ZNF609: variants seen among roughly 807,000 people sequenced by gnomAD.
The protein encoded by ZNF609 is zinc finger protein 609.
In ZNF609, 11 loss-of-function variants were observed where a neutral mutation model predicts 109.5. The ratio of observed to expected loss-of-function variants is 0.10; its 90% confidence interval spans 0.06 to 0.17. The LOEUF (loss-of-function observed/expected upper bound fraction) is 0.17. ZNF609 is among the 10% of genes least tolerant of loss of function. The probability of loss-of-function intolerance (pLI) is 1.00; values close to 1 mark genes in which losing one functional copy is unlikely to be tolerated. For missense variants in ZNF609, 1,559 were observed against 1,772.4 expected (o/e 0.88, Z 2.16); for synonymous variants, 646 against 662.0 (o/e 0.98, Z 0.37).
chr15:64,669,466 T>G (rs937872505), intron 3 of ZNF609, among the ~76,000 whole-genome samples: 17 of 152,274 alleles, frequency 1.1e-4, no homozygotes, highest in Non-Finnish European at 2.4e-4. Flanking sequence ...TATGAACATA[T>G]TTGCATATAT....
chr15:64,683,064 CTT>C lies in ZNF609; in HGVS notation c.*1380_*1381del, dbSNP rs752278785. 36 of 152,752 alleles carry C rather than the reference CTT, an allele frequency of 2.4e-4. No homozygotes were observed. The highest frequency in any genetic ancestry group is 5.2e-4 in the Admixed American group (8 of 15,296). 9.5% of individuals were successfully genotyped at this position (152,752 alleles called of 1,614,324 possible). A position where few individuals can be genotyped will look rare whatever the true frequency, so the allele number is the denominator to read the frequency against. On this transcript the variant is annotated 3_prime_UTR_variant, in exon 10 of 10. Transcript: ENST00000326648. ...AGTCTCCCAATGGAAGCTTTATACT[CTT>C]TGTACTGGGAAAGTGAGGATGATTT...
chr15:64,565,480 C>T (rs1333936097), intron 2 of ZNF609, among the ~76,000 whole-genome samples: 1 of 152,074 alleles, frequency 6.6e-6, no homozygotes, highest in Non-Finnish European at 1.5e-5. Flanking sequence ...TGATAATTTA[C>T]AAAAGTGCTC....
At chr15:64,619,897 G>A (rs968147904) in intron 2 of ZNF609, among the ~76,000 whole-genome samples, 2 of 152,128 alleles carry the variant, frequency 1.3e-5, no homozygotes, top group Admixed American at 1.3e-4. Context: ...CAAAACTGGG[G>A]ACTTCATTTT....
chr15:64,581,923 C>G (rs548845487), intron 2 of ZNF609, among the ~76,000 whole-genome samples: 181 of 152,246 alleles, frequency 1.2e-3, no homozygotes, highest in African/African-American at 4.2e-3. Context: ...AGTGTCCTCC[C>G]TCATTCTTTA....
chr15:64,550,050 C>T (rs977133239), intron 2 of ZNF609, among the ~76,000 whole-genome samples: 10 of 152,238 alleles, frequency 6.6e-5, no homozygotes, highest in Middle Eastern at 3.4e-3. Flanking sequence ...CTACTTCCCT[C>T]AATGGATCCT....
In ZNF609 at chr15:64,678,579, T is replaced by C. The variant is rs142505863; in HGVS notation, c.3769+97T>C. On this transcript the variant is annotated intron_variant, in intron 6 of 9. Transcript: ENST00000326648. ...TTTTCTTGCTCAGCCCCAAGGCATA[T>C]TGAGGCTCGCTTAGATGACGGACCT... 1,773 of 1,495,564 alleles carry C rather than the reference T, an allele frequency of 1.2e-3. 1 individual carries two copies. The highest frequency in any genetic ancestry group is 1.2e-3 in the Non-Finnish European group (1,369 of 1,121,526). The allele number at this position is 1,495,564 out of a possible 1,614,324, so 92.6% of individuals were successfully genotyped here.
chr15:64,553,893 T>C (rs1475434356), intron 2 of ZNF609, among the ~76,000 whole-genome samples: 1 of 152,170 alleles, frequency 6.6e-6, no homozygotes, highest in Non-Finnish European at 1.5e-5. Flanking sequence ...CCACCACGCC[T>C]GGCCTATAAA....
intron 2 of ZNF609, among the ~76,000 whole-genome samples, chr15:64,579,071 AAAAC>A (rs1359332679): frequency 2.7e-5 from 4 of 150,608 alleles, no homozygotes; most frequent in African/African-American, 5.0e-5. Flanking sequence ...TAAAAATTAT[AAAAC>A]AAAAAAGATT....
chr15:64,656,078 T>C (rs1170275199), intron 3 of ZNF609, among the ~76,000 whole-genome samples: 1 of 152,118 alleles, frequency 6.6e-6, no homozygotes, highest in Non-Finnish European at 1.5e-5. Flanking sequence ...TTTTTTCCTT[T>C]TTTGAGACTG....
chr15:64,680,995 A>G, intron 8 of ZNF609, 133 bp downstream of exon 8: 2 of 930,284 alleles, frequency 2.1e-6, no homozygotes, highest in Non-Finnish European at 3.1e-6. Context: ...TTTTTTTTTG[A>G]GCTTCTAATC....
chr15:64,609,179 C>T (rs1895674367), intron 2 of ZNF609, among the ~76,000 whole-genome samples: 1 of 134,794 alleles, frequency 7.4e-6, no homozygotes, highest in African/African-American at 2.8e-5. Flanking sequence ...TTCTGTCTGT[C>T]TGTCTTTCTT....
chr15:64,595,513 A>G (rs1179261881), intron 2 of ZNF609, among the ~76,000 whole-genome samples: 2 of 152,096 alleles, frequency 1.3e-5, no homozygotes, highest in Non-Finnish European at 2.9e-5. Flanking sequence ...ACATCAGGTC[A>G]TGTGTGATAT....
intron 3 of ZNF609, among the ~76,000 whole-genome samples, chr15:64,642,497 T>TA (rs916893926): frequency 3.3e-5 from 5 of 149,522 alleles, no homozygotes; most frequent in Admixed American, 6.7e-5. Context: ...TATGACAGTT[T>TA]AAAAAAAAAA....
chr15:64,530,974 A>G (rs1567006845), intron 2 of ZNF609, among the ~76,000 whole-genome samples: 1 of 152,214 alleles, frequency 6.6e-6, no homozygotes, highest in Non-Finnish European at 1.5e-5. Context: ...TCACAATATC[A>G]TGTGTAACAA....
intron 2 of ZNF609, among the ~76,000 whole-genome samples, chr15:64,522,628 A>C (rs1330226511): frequency 6.6e-6 from 1 of 152,194 alleles, no homozygotes; most frequent in Admixed American, 6.5e-5. Context: ...GTGAGTATGT[A>C]GGGAGAGAGT....
chr15:64,509,619 T>C (rs533627845), intron 2 of ZNF609, among the ~76,000 whole-genome samples: 16 of 152,340 alleles, frequency 1.1e-4, no homozygotes, highest in African/African-American at 3.6e-4. Flanking sequence ...TTTGGAGGCA[T>C]TGAAGTTTGG....
At chr15:64,514,017 G>A (rs1185233766) in intron 2 of ZNF609, among the ~76,000 whole-genome samples, 2 of 151,764 alleles carry the variant, frequency 1.3e-5, no homozygotes, top group South Asian at 2.1e-4. Context: ...ACTTGAGCCC[G>A]GGAGGTCGAG....
In ZNF609 at chr15:64,650,164, G is replaced by A. The variant is rs1031711482; in HGVS notation, c.974-20182G>A. On this transcript the variant is annotated intron_variant, in intron 3 of 9. Transcript: ENST00000326648. Reference sequence around the variant, plus strand: ...CATGCCTGTAATCCTAGCACTTTGGGAGGCCGAGGCCGGTGGATTTCCTGA... The same window carrying A: ...CATGCCTGTAATCCTAGCACTTTGGAAGGCCGAGGCCGGTGGATTTCCTGA... Among the ~76,000 whole-genome samples the A allele has an allele frequency of 2.6e-5, 4 of 151,756 alleles. No homozygotes were observed. The South Asian group carries it at 6.2e-4, about 24-fold the overall frequency.
chr15:64,490,925 T>C (rs908311135), intron 1 of ZNF609, among the ~76,000 whole-genome samples: 3 of 152,174 alleles, frequency 2.0e-5, no homozygotes, highest in African/African-American at 7.2e-5. Flanking sequence ...TATTGATGAG[T>C]TGCAGCATAT....
Sources: allele counts gnomAD v4.1 joint callset (sites outside exome capture counted in the v4.1 genomes callset), GRCh38; gene constraint gnomAD v4.1.1; transcripts MANE v1.5; gene names NCBI Gene and HGNC (gene_info 2026-07-23, HGNC 2026-07-21).